Variants in SRGAP1 observed in about 807,000 individuals in gnomAD.
SRGAP1 encodes the protein SLIT-ROBO Rho GTPase activating protein 1.
In SRGAP1, 43 loss-of-function variants were observed where a neutral mutation model predicts 121.9. That is an observed-to-expected ratio of 0.35 (90% confidence interval 0.28 to 0.46). The LOEUF (loss-of-function observed/expected upper bound fraction) is 0.46. Ranked by LOEUF, SRGAP1 falls within the 20% of genes least tolerant of loss-of-function variation. The pLI, the probability that SRGAP1 is intolerant of heterozygous loss-of-function variation, is 1.00. For missense variants in SRGAP1, 1,102 were observed against 1,350.9 expected (o/e 0.82, Z 2.89); for synonymous variants, 447 against 485.4 (o/e 0.92, Z 1.04).
intron 1 of SRGAP1, among the ~76,000 whole-genome samples, chr12:63,915,346 C>T (rs1181719532): frequency 3.3e-5 from 5 of 152,098 alleles, no homozygotes; most frequent in African/African-American, 1.2e-4. Context: ...TTTCAGGGAA[C>T]CAGGAAACAT....
chr12:63,857,299 G>C (rs112870641), intron 1 of SRGAP1, among the ~76,000 whole-genome samples: 4 of 150,630 alleles, frequency 2.7e-5, no homozygotes, highest in African/African-American at 9.8e-5. Context: ...GGCTGGTCTC[G>C]AACTCCCGAC....
chr12:63,936,513 C>T (rs2031667183), intron 1 of SRGAP1, among the ~76,000 whole-genome samples: 1 of 152,048 alleles, frequency 6.6e-6, no homozygotes, highest in Non-Finnish European at 1.5e-5. Flanking sequence ...AGAGAGATGA[C>T]CCTTCATTGT....
At chr12:63,859,522 C>T (rs1899373702) in intron 1 of SRGAP1, among the ~76,000 whole-genome samples, 1 of 152,146 alleles carries the variant, frequency 6.6e-6, no homozygotes, top group Non-Finnish European at 1.5e-5. Context: ...CTGCTCTTAT[C>T]TTTACTATCA....
At position 64,108,924 on chromosome 12, in the gene SRGAP1, G is replaced by C. The variant is rs367812745; in HGVS notation, c.1814-8G>C. On this transcript the variant is annotated splice_polypyrimidine_tract_variant and splice_region_variant and intron_variant, in intron 15 of 21. Coordinates refer to ENST00000355086, the MANE Select transcript of SRGAP1 (RefSeq NM_020762.4). The stretch of plus-strand genomic sequence containing the variant: ...AAGGACTCTGACCATGTCATCTTCT[G>C]TCTGTAGGAATAGATAATCTCTATG... 3.8e-6 allele frequency: 6 copies of C among 1,584,856 alleles called. No homozygotes were observed. Among genetic ancestry groups the C allele is most frequent in the African/African-American group, 2.7e-5 (2 of 74,442 alleles).
At chr12:64,083,201 G>A (rs978297590) in intron 10 of SRGAP1, among the ~76,000 whole-genome samples, 3 of 152,166 alleles carry the variant, frequency 2.0e-5, no homozygotes, top group African/African-American at 7.2e-5. Flanking sequence ...CAGATTTGGT[G>A]TGATAGGGTT....
At chr12:63,856,252 CTAAA>C (rs79879818) in intron 1 of SRGAP1, among the ~76,000 whole-genome samples, 6,034 of 146,288 alleles carry the variant, frequency 0.041, 167 homozygotes, top group South Asian at 0.084. Flanking sequence ...AACTCCGTCT[CTAAA>C]TAAATAAATA....
At chr12:64,078,552 A>G (rs1300481213) in intron 8 of SRGAP1, among the ~76,000 whole-genome samples, 1 of 152,196 alleles carries the variant, frequency 6.6e-6, no homozygotes, top group Non-Finnish European at 1.5e-5. Context: ...ATTGTTACTC[A>G]CATAGGTGTG....
At chr12:64,092,812 C>T (rs564669846) in intron 12 of SRGAP1, among the ~76,000 whole-genome samples, 47 of 152,106 alleles carry the variant, frequency 3.1e-4, no homozygotes, top group African/African-American at 1.0e-3. Context: ...AAGAAGCAGA[C>T]GTAGGATTCT....
chr12:64,083,272 C>A (rs1161451474), intron 10 of SRGAP1, among the ~76,000 whole-genome samples: 1 of 152,160 alleles, frequency 6.6e-6, no homozygotes, highest in Admixed American at 6.5e-5. Context: ...ATAGAAATCA[C>A]CTCTCTGAAG....
intron 15 of SRGAP1, among the ~76,000 whole-genome samples, chr12:64,106,663 G>A (rs1422015597): frequency 6.6e-6 from 1 of 152,114 alleles, no homozygotes; most frequent in African/African-American, 2.4e-5. Flanking sequence ...CTTAATTATT[G>A]AGTTATTGTG....
chr12:64,029,591 C>G (rs2034728352), intron 4 of SRGAP1, among the ~76,000 whole-genome samples: 1 of 152,008 alleles, frequency 6.6e-6, no homozygotes, highest in Non-Finnish European at 1.5e-5. Context: ...GAAAAGCGTT[C>G]CAAAAAGAGG....
chr12:63,844,891 T>A lies in SRGAP1; in HGVS notation c.67+8T>A. 1 of 1,613,782 alleles carries A rather than the reference T, an allele frequency of 6.2e-7. No homozygotes were observed. The highest frequency in any genetic ancestry group is 1.1e-5 in the South Asian group (1 of 91,070). On this transcript the variant is annotated splice_region_variant and intron_variant, in intron 1 of 21. Transcript: ENST00000355086. This position sits in a 1 kb window ranked among gnomAD's most constrained non-coding sequence, Gnocchi z 4.3. ...ATGAAAGTCAAGTCAAAGGTAAGGA[T>A]GGGAGCGGCTGCCTTGCTCCTTTTG...
At chr12:63,929,575 GTTTTTTT>G (rs1217261573) in intron 1 of SRGAP1, among the ~76,000 whole-genome samples, 5 of 137,152 alleles carry the variant, frequency 3.6e-5, no homozygotes, top group African/African-American at 1.3e-4. Context: ...GCCCCCACGA[GTTTTTTT>G]TTTTTTTTTA....
At chr12:64,119,766 G>GTTTCTTTTTTTTTTTTTTTTTTTTT (rs2036575395) in intron 18 of SRGAP1, among the ~76,000 whole-genome samples, 1 of 110,800 alleles carries the variant, frequency 9.0e-6, no homozygotes, top group Non-Finnish European at 1.9e-5. Context: ...AATATTATTT[G>GTTTCTTTTTTTTTTTTTTTTTTTTT]TTTCTTTTTT....
At chr12:64,114,533 C>T (rs186725702) in intron 17 of SRGAP1, among the ~76,000 whole-genome samples, 9 of 151,952 alleles carry the variant, frequency 5.9e-5, no homozygotes, top group Non-Finnish European at 1.0e-4. Context: ...GTATTTTTAG[C>T]AGAGACAGGG....
chr12:64,156,871 C>T lies in SRGAP1; in HGVS notation c.*14199C>T, dbSNP rs2037167841. ...GGGTCAATGGCGAAAGAACACATTT[C>T]TCTAGGAAAGATTACCTTCTCTGAA... On this transcript the variant is annotated 3_prime_UTR_variant, in exon 22 of 22. Coordinates refer to ENST00000355086, the MANE Select transcript of SRGAP1 (RefSeq NM_020762.4). 6.6e-6 allele frequency: 1 copy of T among 152,174 alleles called. No individual in the cohort carries two copies. The highest frequency in any genetic ancestry group is 1.5e-5 in the Non-Finnish European group (1 of 68,056). The allele number at this position is 152,174 out of a possible 1,614,324, so 9.4% of individuals were successfully genotyped here. A position where few individuals can be genotyped will look rare whatever the true frequency, so the allele number is the denominator to read the frequency against.
intron 2 of SRGAP1, among the ~76,000 whole-genome samples, chr12:63,984,455 G>A (rs1160200667): frequency 1.3e-5 from 2 of 152,046 alleles, no homozygotes; most frequent in Non-Finnish European, 2.9e-5. Flanking sequence ...CTATAGGTAG[G>A]ACAGATTTAA....
intron 8 of SRGAP1, among the ~76,000 whole-genome samples, chr12:64,069,901 A>C (rs1219662935): frequency 1.3e-5 from 2 of 152,122 alleles, no homozygotes; most frequent in East Asian, 3.9e-4. Context: ...TAATATGCCC[A>C]GCTACTTTTT....
intron 18 of SRGAP1, among the ~76,000 whole-genome samples, chr12:64,119,469 G>T (rs2036570957): frequency 6.6e-6 from 1 of 152,040 alleles, no homozygotes; most frequent in Non-Finnish European, 1.5e-5. Context: ...AATATGGGGA[G>T]AATTAATATC....
Sources: gnomAD v4.1 joint callset for allele counts (sites outside exome capture counted in the v4.1 genomes callset) on GRCh38, gnomAD v4.1.1 for gene constraint, Gnocchi (gnomAD v3.1) non-coding constraint, MANE v1.5 for transcripts, NCBI Gene and HGNC (gene_info 2026-07-23, HGNC 2026-07-21) for gene names.